The following AHRR variants were observed in gnomAD, a reference collection of about 807,000 sequenced individuals.
AHRR encodes the protein ahR repressor.
AHRR carries 28 observed loss-of-function variants against 44.0 expected under a neutral mutation model. The observed-to-expected ratio is 0.64, with a 90% confidence interval of 0.47 to 0.87. The LOEUF (loss-of-function observed/expected upper bound fraction) is 0.87, where lower values mean the gene tolerates loss of function less well. AHRR is among the 40% of genes least tolerant of loss of function. The pLI is 0.00. For synonymous variants in AHRR, 434 were observed against 407.0 expected, an observed-to-expected ratio of 1.07 and a Z score of -0.80; for missense variants, 990 against 953.9, an observed-to-expected ratio of 1.04 and a Z score of -0.50.
At chr5:398,724 C>T (rs1431092362) in intron 4 of AHRR, among the ~76,000 whole-genome samples, 1 of 152,202 alleles carries the variant, frequency 6.6e-6, no homozygotes, top group South Asian at 2.1e-4. Flanking sequence ...GAGGCATTGC[C>T]GTTGTCACCG....
At chr5:346,081 G>T (rs753401376) in intron 2 of AHRR, among the ~76,000 whole-genome samples, 1 of 152,134 alleles carries the variant, frequency 6.6e-6, no homozygotes, top group Non-Finnish European at 1.5e-5. Flanking sequence ...GCACACAGCC[G>T]AGGCCGGGAC....
Position 388,668 on chromosome 5 carries a change from G to T in AHRR, c.351+11952G>T, listed in dbSNP as rs559455466. On this transcript the variant is annotated intron_variant, in intron 4 of 10. Transcript: ENST00000684583. This position sits in a 1 kb window ranked among gnomAD's most constrained non-coding sequence, Gnocchi z 5.2. ...TGGGGCTTGGTGACATGAGGAGCGG[G>T]GGTGTCAGAGCCAGGGGCACCGTCC... is the stretch of plus-strand genomic sequence containing the variant. Among the ~76,000 whole-genome samples, 1 of 152,274 alleles carries T rather than the reference G, an allele frequency of 6.6e-6. No homozygotes were observed. Among genetic ancestry groups the T allele is most frequent in the East Asian group, 1.9e-4 (1 of 5,160 alleles).
chr5:403,956 ATTT>A, intron 4 of AHRR: 1 of 1,383,538 alleles, frequency 7.2e-7, no homozygotes, highest in Non-Finnish European at 1.0e-6. Context: ...CCTCCACTTT[ATTT>A]TCTGACTCGT....
chr5:341,808 G>C (rs1242659873), intron 1 of AHRR, among the ~76,000 whole-genome samples: 2 of 151,714 alleles, frequency 1.3e-5, no homozygotes, highest in East Asian at 3.9e-4. Flanking sequence ...TCTTATTTTA[G>C]ACCTTTTATT....
intron 4 of AHRR, among the ~76,000 whole-genome samples, chr5:407,373 T>A (rs1263543612): frequency 6.6e-6 from 1 of 152,178 alleles, no homozygotes; most frequent in Non-Finnish European, 1.5e-5. Context: ...CATATAGGTT[T>A]TGCACACGTC....
intron 4 of AHRR, among the ~76,000 whole-genome samples, chr5:412,050 G>C (rs537168620): frequency 3.9e-5 from 6 of 152,320 alleles, no homozygotes; most frequent in African/African-American, 1.4e-4. Context: ...GGGCTGCGAG[G>C]CTCGCTGCTC....
At position 405,202 on chromosome 5, in the gene AHRR, A is replaced by G. The variant is rs1735202886; in HGVS notation, c.352-8142A>G. On this transcript the variant is annotated intron_variant, in intron 4 of 10. Coordinates refer to ENST00000684583, the MANE Select transcript of AHRR (RefSeq NM_001377236.1). This position sits in a 1 kb window ranked among gnomAD's most constrained non-coding sequence, Gnocchi z 4.5. ...GGCAGATTCACCAGACTTTCTGCTC[A>G]CGACCCAAAGAGGTTAGCATGGAAC... 6.6e-6 allele frequency among the ~76,000 whole-genome samples: 1 copy of G among 152,128 alleles called. No individual in the cohort carries two copies.
In AHRR at chr5:342,207, C is replaced by T. The variant is rs1245224094; in HGVS notation, c.-10-1686C>T. 2.0e-5 allele frequency among the ~76,000 whole-genome samples: 3 copies of T among 152,156 alleles called. No homozygotes were observed. Among genetic ancestry groups the T allele is most frequent in the South Asian group, 2.1e-4 (1 of 4,828 alleles). On this transcript the variant is annotated intron_variant, in intron 1 of 10. Coordinates refer to ENST00000684583, the MANE Select transcript of AHRR (RefSeq NM_001377236.1). This position sits in a 1 kb window ranked among gnomAD's most constrained non-coding sequence, Gnocchi z 4.3. The stretch of plus-strand genomic sequence containing the variant: ...ATTTCCATTAATTCAAGTCTGTTGT[C>T]GTTTGGATATTCTGTATCCTTACTG...
chr5:432,939 G>T lies in AHRR; in HGVS notation c.1104G>T (p.Gly368=). The change falls in exon 10 of 11, where the codon GGG becomes GGT. Residue 368 remains glycine, a synonymous_variant. Coordinates refer to ENST00000684583, the MANE Select transcript of AHRR (RefSeq NM_001377236.1). ...GGPDLVLDPK[G]GSGDREEEQH... Reference sequence around the variant, plus strand: ...CTGACCTTGTCCTTGACCCCAAGGGGGGCTCAGGGTAAGTGGTGCCAGGCA... The same window carrying T: ...CTGACCTTGTCCTTGACCCCAAGGGTGGCTCAGGGTAAGTGGTGCCAGGCA... 1 of 1,605,536 alleles carries T rather than the reference G, an allele frequency of 6.2e-7. No individual in the cohort carries two copies. Among genetic ancestry groups the T allele is most frequent in the East Asian group, 2.2e-5 (1 of 44,750 alleles).
intron 4 of AHRR, among the ~76,000 whole-genome samples, chr5:384,387 G>C (rs1734092136): frequency 6.6e-6 from 1 of 152,026 alleles, no homozygotes; most frequent in Non-Finnish European, 1.5e-5. Flanking sequence ...CTTTATATTT[G>C]TCATATGTAT....
Position 366,461 on chromosome 5 carries a change from C to G in AHRR, c.245-10149C>G, listed in dbSNP as rs574620063. ...GAATGAATAAGTAAATAAGTTTTTC[C>G]TCACAACAGGCTAATTAATGGCTAT... On this transcript the variant is annotated intron_variant, in intron 3 of 10. Coordinates refer to ENST00000684583, the MANE Select transcript of AHRR (RefSeq NM_001377236.1). Among the ~76,000 whole-genome samples, 3 of 152,030 alleles carry G rather than the reference C, an allele frequency of 2.0e-5. No homozygotes were observed. The East Asian group carries it at 5.8e-4, about 29-fold the overall frequency.
chr5:371,373 C>T (rs1054029188), intron 3 of AHRR, among the ~76,000 whole-genome samples: 4 of 152,306 alleles, frequency 2.6e-5, no homozygotes, highest in East Asian at 3.9e-4. Flanking sequence ...CTCATTAGTT[C>T]GAGGGCCGGC....
At chr5:375,685 C>G (rs564854879) in intron 3 of AHRR, among the ~76,000 whole-genome samples, 1 of 152,338 alleles carries the variant, frequency 6.6e-6, no homozygotes, top group South Asian at 2.1e-4. Context: ...GCCCCCCCGG[C>G]CTTGCTGGGG....
chr5:355,756 G>A (rs762342586), intron 3 of AHRR, among the ~76,000 whole-genome samples: 3 of 152,222 alleles, frequency 2.0e-5, no homozygotes, highest in Non-Finnish European at 4.4e-5. Flanking sequence ...GGCACCCTGC[G>A]TGCCTCCTGC....
rs1258274668 is a variant in AHRR at position 398,947 on chromosome 5, C to T, written c.352-14397C>T. Among the ~76,000 whole-genome samples the T allele has an allele frequency of 4.6e-5, 7 of 152,244 alleles. No homozygotes were observed. The South Asian group carries it at 6.2e-4, about 14-fold the overall frequency. On this transcript the variant is annotated intron_variant, in intron 4 of 10. Transcript: ENST00000684583. ...CCCCTGCCAACATGCCCAGCACCAC[C>T]GTGGCGCACCTCATTCCTCTCGAGG...
At position 405,715 on chromosome 5, in the gene AHRR, C is replaced by G. The variant is rs573130390; in HGVS notation, c.352-7629C>G. Among the ~76,000 whole-genome samples, 1 of 152,270 alleles carries G rather than the reference C, an allele frequency of 6.6e-6. No homozygotes were observed. Among genetic ancestry groups the G allele is most frequent in the African/African-American group, 2.4e-5 (1 of 41,472 alleles). ...CCGCCTGCGACCACCAGCTCCTCCG[C>G]TCTCTCCATCGGTCGTAACATCTTA... On this transcript the variant is annotated intron_variant, in intron 4 of 10. Coordinates refer to ENST00000684583, the MANE Select transcript of AHRR (RefSeq NM_001377236.1). This position sits in a 1 kb window ranked among gnomAD's most constrained non-coding sequence, Gnocchi z 4.5.
intron 4 of AHRR, among the ~76,000 whole-genome samples, chr5:410,980 G>A (rs1735447714): frequency 6.6e-6 from 1 of 150,642 alleles, no homozygotes; most frequent in Admixed American, 6.6e-5. Flanking sequence ...GACCTGTAGT[G>A]ATGTACTTTT....
intron 4 of AHRR, among the ~76,000 whole-genome samples, chr5:410,791 A>C (rs540599496): frequency 4.3e-4 from 65 of 152,288 alleles, no homozygotes; most frequent in African/African-American, 1.5e-3. Context: ...TTTTCTTTGT[A>C]GGAAAGTTTT....
At chr5:331,169 C>T (rs532925884) in intron 1 of AHRR, among the ~76,000 whole-genome samples, 8 of 152,314 alleles carry the variant, frequency 5.3e-5, no homozygotes, top group Non-Finnish European at 1.0e-4. Context: ...GCCACTGCGC[C>T]TGGCCAGTTG....
Sources: allele counts gnomAD v4.1 joint callset (sites outside exome capture counted in the v4.1 genomes callset), GRCh38; gene constraint gnomAD v4.1.1; non-coding constraint Gnocchi (gnomAD v3.1); transcripts MANE v1.5; gene names NCBI Gene and HGNC (gene_info 2026-07-23, HGNC 2026-07-21).